SGMS1: variants seen among roughly 807,000 people sequenced by gnomAD.
The protein encoded by SGMS1 is sphingomyelin synthase 1, also known as phosphatidylcholine:ceramide cholinephosphotransferase 1.
Under a neutral mutation model 46.2 loss-of-function variants are expected in SGMS1, and 13 were observed. That is an observed-to-expected ratio of 0.28 (90% CI 0.18 to 0.45). The LOEUF (loss-of-function observed/expected upper bound fraction) is 0.45. Among genes scored for constraint, SGMS1 ranks in the 20% least tolerant of loss-of-function variants. The pLI is 1.00. For synonymous variants in SGMS1, 203 were observed against 187.8 expected (o/e 1.08, Z -0.66); for missense variants, 324 against 519.9 (o/e 0.62, Z 3.66).
At chr10:50,376,650 T>C (rs1464708345) in intron 6 of SGMS1, among the ~76,000 whole-genome samples, 1 of 152,206 alleles carries the variant, frequency 6.6e-6, no homozygotes, top group Non-Finnish European at 1.5e-5. Flanking sequence ...TTCTCATTGT[T>C]CAATTCCCAC....
At chr10:50,327,174 G>C (rs369146259) in intron 8 of SGMS1, 31 bp downstream of exon 8, 1 of 1,373,514 alleles carries the variant, frequency 7.3e-7, no homozygotes, top group Non-Finnish European at 1.0e-6. Context: ...GAAACAAACA[G>C]AAAGCGAAAT....
chr10:50,564,802 C>A (rs1334606687), intron 2 of SGMS1, among the ~76,000 whole-genome samples: 4 of 143,872 alleles, frequency 2.8e-5, no homozygotes, highest in African/African-American at 1.0e-4. Context: ...GTTTTTTTTT[C>A]TTTTATTATT....
At chr10:50,593,444 T>A (rs1320420516) in intron 1 of SGMS1, among the ~76,000 whole-genome samples, 1 of 152,222 alleles carries the variant, frequency 6.6e-6, no homozygotes, top group Non-Finnish European at 1.5e-5. Flanking sequence ...TCAACATATA[T>A]AGGTGTAAAG....
intron 2 of SGMS1, among the ~76,000 whole-genome samples, chr10:50,525,404 G>T (rs570272082): frequency 1.3e-5 from 2 of 152,260 alleles, no homozygotes; most frequent in African/African-American, 4.8e-5. Flanking sequence ...ATGCCACCCA[G>T]ACAGCCTCAT....
intron 5 of SGMS1, among the ~76,000 whole-genome samples, chr10:50,446,344 G>A (rs545017986): frequency 6.6e-6 from 1 of 152,176 alleles, no homozygotes; most frequent in South Asian, 2.1e-4. Context: ...GTCTCCCCCA[G>A]ACACCCAGCT....
chr10:50,333,856 T>C (rs139978467), intron 7 of SGMS1, among the ~76,000 whole-genome samples: 2 of 152,348 alleles, frequency 1.3e-5, no homozygotes, highest in Non-Finnish European at 2.9e-5. Flanking sequence ...TGTCTGTACA[T>C]ATACTATGTG....
chr10:50,462,927 C>T lies in SGMS1; in HGVS notation c.-454-2113G>A, dbSNP rs985849964. ...TAGGAAATGATGGAGCTTCTGGTTC[C>T]TCAGAAGGGGAGTGGGGAAGACTGA... is the stretch of plus-strand genomic sequence containing the variant. On this transcript the variant is annotated intron_variant, in intron 4 of 10. Transcript: ENST00000361781. Among the ~76,000 whole-genome samples the T allele has an allele frequency of 3.3e-5, 5 of 151,942 alleles. No individual in the cohort carries two copies. In the East Asian group the frequency reaches 9.7e-4, roughly 29 times the overall value.
chr10:50,383,208 A>G (rs1303888153), intron 6 of SGMS1, among the ~76,000 whole-genome samples: 5 of 152,212 alleles, frequency 3.3e-5, no homozygotes, highest in Non-Finnish European at 7.3e-5. Context: ...AGATCTTTGT[A>G]CTACATTTCT....
At chr10:50,397,081 T>C (rs1443002928) in intron 6 of SGMS1, among the ~76,000 whole-genome samples, 1 of 152,212 alleles carries the variant, frequency 6.6e-6, no homozygotes, top group Admixed American at 6.5e-5. Context: ...GCTTCTTCTC[T>C]TTGCATGAGT....
In SGMS1 at chr10:50,623,948, TC is replaced by T; in HGVS notation, c.-926del. 1.0e-6 allele frequency: 1 copy of T among 985,928 alleles called. No individual in the cohort carries two copies. The highest frequency in any genetic ancestry group is 1.2e-6 in the Non-Finnish European group (1 of 830,424). The allele number at this position is 985,928 out of a possible 1,614,324, so 61.1% of individuals were successfully genotyped here. On this transcript the variant is annotated 5_prime_UTR_variant, in exon 1 of 11. Transcript: ENST00000361781. ...CGCTTTCGACTTGCCACCGCGAGCC[TC>T]CCGGGCTGCCGAGCATGCCCAGTCC...
intron 3 of SGMS1, among the ~76,000 whole-genome samples, chr10:50,484,810 A>G (rs189295088): frequency 6.6e-6 from 1 of 152,356 alleles, no homozygotes; most frequent in African/African-American, 2.4e-5. Context: ...GATTATATCA[A>G]TAGACACAGA....
chr10:50,370,346 A>C (rs930963581), intron 6 of SGMS1, among the ~76,000 whole-genome samples: 1 of 151,986 alleles, frequency 6.6e-6, no homozygotes, highest in African/African-American at 2.4e-5. Flanking sequence ...CAAACGCATT[A>C]TACAGCTGTA....
intron 3 of SGMS1, among the ~76,000 whole-genome samples, chr10:50,473,065 T>C (rs1156726176): frequency 6.6e-6 from 1 of 152,202 alleles, no homozygotes; most frequent in Non-Finnish European, 1.5e-5. Context: ...TAAAACTGTC[T>C]TCACACAGTC....
At chr10:50,624,647 G>T, upstream of SGMS1, 1 of 985,480 alleles carries the variant, frequency 1.0e-6, no homozygotes, top group Non-Finnish European at 1.2e-6. Context: ...AACCCGGAGA[G>T]CGGCTAGGCC....
intron 3 of SGMS1, among the ~76,000 whole-genome samples, chr10:50,498,261 A>G (rs1287793202): frequency 1.3e-5 from 2 of 152,246 alleles, no homozygotes; most frequent in African/African-American, 4.8e-5. Flanking sequence ...GGGAAGAGGA[A>G]TTCACAACCA....
chr10:50,610,816 T>G (rs1838742634), intron 1 of SGMS1, among the ~76,000 whole-genome samples: 3 of 152,120 alleles, frequency 2.0e-5, no homozygotes, highest in Non-Finnish European at 4.4e-5. Context: ...CCAAGAAAAC[T>G]CCATACGAGC....
chr10:50,501,483 C>G (rs1260404485), intron 3 of SGMS1, among the ~76,000 whole-genome samples: 2 of 152,102 alleles, frequency 1.3e-5, no homozygotes, highest in East Asian at 3.8e-4. Context: ...ATTTTTTCCT[C>G]TTTTCTGAGT....
At chr10:50,453,345 T>C (rs186882466) in intron 5 of SGMS1, among the ~76,000 whole-genome samples, 6 of 152,158 alleles carry the variant, frequency 3.9e-5, no homozygotes, top group African/African-American at 4.8e-5. Flanking sequence ...TCAACATATA[T>C]TTATTAAGCA....
chr10:50,325,947 A>G (rs1589385970), intron 8 of SGMS1, among the ~76,000 whole-genome samples: 2 of 152,196 alleles, frequency 1.3e-5, no homozygotes, highest in South Asian at 4.1e-4. Context: ...GATATTCCCT[A>G]TAACCCAGGA....
Sources: allele counts gnomAD v4.1 joint callset (sites outside exome capture counted in the v4.1 genomes callset), GRCh38; gene constraint gnomAD v4.1.1; transcripts MANE v1.5; gene names NCBI Gene and HGNC (gene_info 2026-07-23, HGNC 2026-07-21).